COG6: variants seen among roughly 807,000 people sequenced by gnomAD.
The protein encoded by COG6 is component of oligomeric golgi complex 6.
In COG6, 74 loss-of-function variants were observed where a neutral mutation model predicts 88.8. The ratio of observed to expected loss-of-function variants is 0.83; its 90% confidence interval spans 0.69 to 1.01. The LOEUF (loss-of-function observed/expected upper bound fraction) is 1.01. Among genes scored for constraint, COG6 ranks in the 50% least tolerant of loss-of-function variants. The pLI, the probability that COG6 is intolerant of heterozygous loss-of-function variation, is 0.00. For synonymous variants in COG6, 286 were observed against 278.7 expected, an observed-to-expected ratio of 1.03 and a Z score of -0.26; for missense variants, 800 against 797.9, an observed-to-expected ratio of 1.00 and a Z score of -0.03.
chr13:39,787,449 A>G (rs1407174975), intron 18 of COG6, among the ~76,000 whole-genome samples: 1 of 152,108 alleles, frequency 6.6e-6, no homozygotes, highest in Non-Finnish European at 1.5e-5. Context: ...AATTAGTTTC[A>G]CCATTTTACA....
At chr13:39,762,302 G>A (rs1881042530) in intron 18 of COG6, among the ~76,000 whole-genome samples, 1 of 151,806 alleles carries the variant, frequency 6.6e-6, no homozygotes, top group Non-Finnish European at 1.5e-5. Flanking sequence ...TCAGGTGAAA[G>A]ATAAAAACAT....
chr13:39,745,846 A>G (rs921930529), intron 18 of COG6, among the ~76,000 whole-genome samples: 2 of 152,188 alleles, frequency 1.3e-5, no homozygotes, highest in South Asian at 2.1e-4. Context: ...ATGTCCATCA[A>G]TGATAGACTG....
chr13:39,684,983 T>TTAA (rs915405678), intron 8 of COG6, among the ~76,000 whole-genome samples: 8 of 152,206 alleles, frequency 5.3e-5, no homozygotes, highest in African/African-American at 1.9e-4. Context: ...GGTAAGCCTT[T>TTAA]AGAATATAAG....
chr13:39,791,607 C>T (rs776569616), exon 19 of COG6: 1 of 151,798 alleles, frequency 6.6e-6, no homozygotes, highest in Non-Finnish European at 1.5e-5. Flanking sequence ...AGAACATATA[C>T]AAAACTGCTG....
At chr13:39,739,663 G>T (rs949048157) in intron 18 of COG6, among the ~76,000 whole-genome samples, 1 of 152,048 alleles carries the variant, frequency 6.6e-6, no homozygotes, top group African/African-American at 2.4e-5. Flanking sequence ...CACTATGTTG[G>T]AATATTGAAA....
Position 39,705,231 on chromosome 13 carries a change from A to G in COG6, c.1284+5613A>G, listed in dbSNP as rs527926258. ...AAAGAATAGCTTTTAAAATAAAGGT[A>G]TAGCCAGAGAGGAATTTTTAAAAAT... On this transcript the variant is annotated intron_variant, in intron 13 of 18. Transcript: ENST00000455146. Among the ~76,000 whole-genome samples the G allele has an allele frequency of 6.6e-5, 10 of 152,306 alleles. No homozygotes were observed. In the East Asian group the frequency reaches 1.9e-3, roughly 29 times the overall value.
intron 18 of COG6, among the ~76,000 whole-genome samples, chr13:39,778,371 A>G (rs963205638): frequency 5.3e-5 from 8 of 152,206 alleles, no homozygotes; most frequent in African/African-American, 1.7e-4. Context: ...ATAACAACCA[A>G]TGAAAGAAGG....
At chr13:39,665,207 A>C in intron 4 of COG6, 53 bp downstream of exon 4, 1 of 928,566 alleles carries the variant, frequency 1.1e-6, no homozygotes, top group Non-Finnish European at 1.8e-6. Flanking sequence ...ATTGGAGTCA[A>C]AGAAAATTAT....
At chr13:39,767,809 C>G (rs963885458) in intron 18 of COG6, among the ~76,000 whole-genome samples, 1 of 152,192 alleles carries the variant, frequency 6.6e-6, no homozygotes, top group Non-Finnish European at 1.5e-5. Context: ...ATGAAAAGTC[C>G]CAATTTTACA....
chr13:39,684,825 G>A (rs1052722421), intron 8 of COG6, among the ~76,000 whole-genome samples: 12 of 152,084 alleles, frequency 7.9e-5, no homozygotes, highest in Admixed American at 1.3e-4. Context: ...CAAGAAAAAT[G>A]TCAATTATTG....
rs775566098 is a variant in COG6 at position 39,680,034 on chromosome 13, G to T, written c.683G>T (p.Arg228Leu). ...GAAACGGCTTATGAAAGACTTTACC[G>T]ATGGGCTCAAAGTAAGTGATTTCTT... ...LQETAYERLY[R>L]WAQSECRTLT... Residue 228 changes from arginine (R) to leucine (L), a missense_variant, in exon 7 of 19, where the codon CGA becomes CTA. Coordinates refer to ENST00000455146, the MANE Select transcript of COG6 (RefSeq NM_020751.3). The T allele has an allele frequency of 6.3e-7, 1 of 1,581,332 alleles. No homozygotes were observed. The highest frequency in any genetic ancestry group is 1.3e-5 in the African/African-American group (1 of 74,240).
At chr13:39,713,361 T>A (rs1328644287) in intron 13 of COG6, among the ~76,000 whole-genome samples, 1 of 152,174 alleles carries the variant, frequency 6.6e-6, no homozygotes, top group African/African-American at 2.4e-5. Flanking sequence ...ATGAAAGACA[T>A]AGTAAAGAGG....
At chr13:39,693,011 G>A (rs138470224) in intron 11 of COG6, among the ~76,000 whole-genome samples, 28 of 151,414 alleles carry the variant, frequency 1.8e-4, no homozygotes, top group African/African-American at 2.9e-4. Flanking sequence ...TTTACTTTTC[G>A]TTTCTCTTGT....
At chr13:39,729,194 T>C (rs533239417) in intron 18 of COG6, among the ~76,000 whole-genome samples, 218 of 152,314 alleles carry the variant, frequency 1.4e-3, no homozygotes, top group African/African-American at 4.7e-3. Context: ...CCAGGGACCC[T>C]GGTCTGTGGC....
chr13:39,679,344 A>G (rs1217600367), intron 5 of COG6, 194 bp from the exon 6 acceptor site: 1 of 582,546 alleles, frequency 1.7e-6, no homozygotes, highest in African/African-American at 1.9e-5. Context: ...GAATTAATAT[A>G]TTAATATGTC....
intron 8 of COG6, among the ~76,000 whole-genome samples, chr13:39,684,472 G>T (rs1030464971): frequency 5.3e-5 from 8 of 151,588 alleles, no homozygotes; most frequent in Admixed American, 1.3e-4. Flanking sequence ...GGATGGTCTC[G>T]ATCTCCTGAC....
At chr13:39,726,923 A>G (rs557523233) in intron 17 of COG6, among the ~76,000 whole-genome samples, 151 of 152,036 alleles carry the variant, frequency 9.9e-4, no homozygotes, top group African/African-American at 3.2e-3. Context: ...ACCTTGTTTT[A>G]TTCCTTAATA....
chr13:39,683,266 T>C (rs1429436308), intron 8 of COG6, among the ~76,000 whole-genome samples: 1 of 152,188 alleles, frequency 6.6e-6, no homozygotes, highest in African/African-American at 2.4e-5. Flanking sequence ...CTAGAAGTCA[T>C]GTGCCAGATG....
chr13:39,752,294 G>A lies in COG6; in HGVS notation c.*1201G>A, dbSNP rs1253558181. Reference sequence around the variant, plus strand: ...AAAACTAGTATTTGTAGAAGATTATGTGTTGTATATAACAAATTAGTATTT... The same window carrying A: ...AAAACTAGTATTTGTAGAAGATTATATGTTGTATATAACAAATTAGTATTT... On this transcript the variant is annotated 3_prime_UTR_variant, in exon 19 of 19. Coordinates refer to ENST00000455146, the MANE Select transcript of COG6 (RefSeq NM_020751.3). 2.3e-6 allele frequency: 2 copies of A among 854,904 alleles called. No homozygotes were observed. Among genetic ancestry groups the A allele is most frequent in the Non-Finnish European group, 1.6e-6 (1 of 632,516 alleles). 53.0% of individuals were successfully genotyped at this position (854,904 alleles called of 1,614,324 possible).
Sources: allele counts gnomAD v4.1 joint callset (sites outside exome capture counted in the v4.1 genomes callset), GRCh38; gene constraint gnomAD v4.1.1; transcripts MANE v1.5; gene names NCBI Gene and HGNC (gene_info 2026-07-23, HGNC 2026-07-21).